The following ZFP90 variants were observed in gnomAD, a reference collection of about 807,000 sequenced individuals.
ZFP90 encodes zinc finger protein 90 homolog.
A neutral mutation model predicts 60.8 loss-of-function variants in ZFP90; 38 were observed. The observed-to-expected ratio is 0.62, with a 90% CI of 0.48 to 0.82. The LOEUF is 0.82. Among genes scored for constraint, ZFP90 ranks in the 40% least tolerant of loss-of-function variants. The pLI is 0.00. For synonymous variants in ZFP90, 287 were observed against 264.8 expected, an observed-to-expected ratio of 1.08 and a Z score of -0.82; for missense variants, 711 against 759.1, an observed-to-expected ratio of 0.94 and a Z score of 0.74.
chr16:68,558,751 T>A lies in ZFP90; in HGVS notation c.256+183T>A, dbSNP rs190526879. On this transcript the variant is annotated intron_variant, in intron 4 of 4. Coordinates refer to ENST00000563169, the MANE Select transcript of ZFP90 (RefSeq NM_001305203.2). ...GGGTGCTCATGCTCTTGCTGGATTA[T>A]TTTTCCTCTGGTGGCCTCTGATTCC... Among the ~76,000 whole-genome samples, 8 of 152,302 alleles carry A rather than the reference T, an allele frequency of 5.3e-5. No homozygotes were observed. The East Asian group carries it at 1.2e-3, about 22-fold the overall frequency.
chr16:68,564,099 A>G lies in ZFP90; in HGVS notation c.1312A>G (p.Thr438Ala), dbSNP rs767173076. ...AGATTTCAAGCACAGCACATCTCTCACTCAAGATGAAAGCACTCTTACCGA... is the reference window on the plus strand; with the variant it reads ...AGATTTCAAGCACAGCACATCTCTCGCTCAAGATGAAAGCACTCTTACCGA... ...SIDFKHSTSLTQDESTLTEVK... is the reference protein window; with the variant it reads ...SIDFKHSTSLAQDESTLTEVK... Residue 438 changes from threonine (T) to alanine (A), a missense_variant, in exon 5 of 5, where the codon ACT becomes GCT. Coordinates refer to ENST00000563169, the MANE Select transcript of ZFP90 (RefSeq NM_001305203.2). 1.9e-6 allele frequency: 3 copies of G among 1,614,146 alleles called. No homozygotes were observed. The South Asian group carries it at 3.3e-5, about 18-fold the overall frequency.
chr16:68,554,152 C>T (rs1447592040), intron 2 of ZFP90, among the ~76,000 whole-genome samples: 21 of 148,806 alleles, frequency 1.4e-4, no homozygotes, highest in Middle Eastern at 3.5e-3. Flanking sequence ...GATGGAGTCT[C>T]GCTCTGTTGC....
At chr16:68,533,519 G>A (rs2090940880) in intron 1 of ZFP90, among the ~76,000 whole-genome samples, 1 of 152,100 alleles carries the variant, frequency 6.6e-6, no homozygotes, top group African/African-American at 2.4e-5. Context: ...ACTGCATGTG[G>A]AATCATTTTC....
chr16:68,540,462 G>A (rs1244094839), intron 2 of ZFP90, among the ~76,000 whole-genome samples: 1 of 152,176 alleles, frequency 6.6e-6, no homozygotes, highest in Admixed American at 6.5e-5. Context: ...TCACCTTAAT[G>A]TGAGGCTGAT....
chr16:68,546,714 G>A (rs146596283), intron 2 of ZFP90, among the ~76,000 whole-genome samples: 21 of 152,252 alleles, frequency 1.4e-4, no homozygotes, highest in African/African-American at 4.8e-4. Context: ...GATTCATCAT[G>A]TTGGCCAGGC....
At chr16:68,544,722 C>T (rs1103286) in intron 2 of ZFP90, among the ~76,000 whole-genome samples, 116,489 of 151,990 alleles carry the variant, frequency 0.77, 44,727 homozygotes, top group East Asian at 0.82. Flanking sequence ...CAAGGATGTC[C>T]GAGCTCCCTC....
chr16:68,576,067 T>G lies in ZFP90; in HGVS notation c.*191T>G, dbSNP rs1597763952. 8.9e-6 allele frequency: 3 copies of G among 338,602 alleles called. 1 individual carries two copies. In the East Asian group the frequency reaches 1.3e-4, roughly 15 times the overall value. 21.0% of individuals were successfully genotyped at this position (338,602 alleles called of 1,614,324 possible). ...AAAAAAAAAAAAAAAAGCATTTCAT[T>G]AACAAGAGTGATCTTTGTGGCATTT... On this transcript the variant is annotated 3_prime_UTR_variant, in exon 3 of 3. Coordinates refer to the ZFP90 transcript ENST00000573113.
rs763615131 is a variant in ZFP90 at position 68,564,403 on chromosome 16, C to T, written c.1616C>T (p.Ser539Leu). Residue 539 changes from serine to leucine, a missense_variant, in exon 5 of 5, where the codon TCG (serine) becomes TTG (leucine). This residue lies in a region of ZFP90 where 295 missense variants were observed against 274.0 expected (regional missense o/e 1.08). Coordinates refer to ENST00000563169, the MANE Select transcript of ZFP90 (RefSeq NM_001305203.2). ...ECGEAFSRRS[S>L]LTQHERTHTG... ...GGAGAAGCCTTTAGTCGACGCTCAT[C>T]GCTTACTCAACATGAGAGAACCCAC... The T allele has an allele frequency of 9.3e-6, 15 of 1,613,752 alleles. No homozygotes were observed. The highest frequency in any genetic ancestry group is 4.4e-5 in the South Asian group (4 of 91,056).
chr16:68,557,227 A>G (rs973437841), intron 2 of ZFP90: 5 of 455,724 alleles, frequency 1.1e-5, no homozygotes, highest in Non-Finnish European at 2.2e-5. Context: ...GGCTCCTGTA[A>G]CAAAGGAAGT....
At chr16:68,548,572 C>T (rs1215908774) in intron 2 of ZFP90, among the ~76,000 whole-genome samples, 4 of 149,604 alleles carry the variant, frequency 2.7e-5, no homozygotes, top group Admixed American at 1.3e-4. Context: ...CTCACCGCTA[C>T]CTCCGCTTCC....
At chr16:68,568,007 G>A (rs2091547371), downstream of ZFP90, among the ~76,000 whole-genome samples, 1 of 152,098 alleles carries the variant, frequency 6.6e-6, no homozygotes, top group Non-Finnish European at 1.5e-5. Flanking sequence ...TGCAAATGGT[G>A]CTTCAGGAAA....
At chr16:68,547,699 G>A (rs1425252656) in intron 2 of ZFP90, among the ~76,000 whole-genome samples, 2 of 152,078 alleles carry the variant, frequency 1.3e-5, no homozygotes, top group African/African-American at 4.8e-5. Flanking sequence ...TGCTTTGTAT[G>A]AATGTACCAA....
intron 2 of ZFP90, among the ~76,000 whole-genome samples, chr16:68,542,433 A>G (rs961854866): frequency 3.9e-5 from 6 of 152,172 alleles, no homozygotes; most frequent in African/African-American, 1.2e-4. Context: ...TCCACTAAAA[A>G]TACAAAAATT....
chr16:68,562,700 G>A, intron 4 of ZFP90: 1 of 387,016 alleles, frequency 2.6e-6, no homozygotes, highest in Non-Finnish European at 4.7e-6. Flanking sequence ...GTTTATAAAA[G>A]GATAGGAGGC....
rs1263748519 is a variant in ZFP90, at chr16:68,566,561, C to T, written c.*1863C>T. 5 of 985,494 alleles carry T rather than the reference C, an allele frequency of 5.1e-6. No homozygotes were observed. The highest frequency in any genetic ancestry group is 6.0e-6 in the Non-Finnish European group (5 of 829,912). 61.0% of individuals were successfully genotyped at this position (985,494 alleles called of 1,614,324 possible). On this transcript the variant is annotated 3_prime_UTR_variant, in exon 5 of 5. Transcript: ENST00000563169. ...AATATGTGTAGCTCAATTAGTCTCT[C>T]CTCTGTGATGCAAAATGGAATATTC... is the stretch of plus-strand genomic sequence containing the variant.
At chr16:68,569,628 G>T (rs1187639384), downstream of ZFP90, among the ~76,000 whole-genome samples, 3 of 152,104 alleles carry the variant, frequency 2.0e-5, no homozygotes, top group African/African-American at 4.8e-5. Context: ...GAGGCCAGGT[G>T]CAGTGACTCA....
Position 68,563,207 on chromosome 16 carries a change from A to G in ZFP90, c.420A>G (p.Ser140=). ...AAAACTGGAAGAGACATCTGGGATC[A>G]GAGGCATCCACCCAGAAGAAAATAA... ...QQENWKRHLG[S]EASTQKKIIT... Residue 140 remains serine (S), a synonymous_variant, in exon 5 of 5, where the codon TCA becomes TCG. Coordinates refer to ENST00000563169, the MANE Select transcript of ZFP90 (RefSeq NM_001305203.2). 6.2e-7 allele frequency: 1 copy of G among 1,614,218 alleles called. No homozygotes were observed.
chr16:68,570,051 C>CGT (rs3053783), downstream of ZFP90, among the ~76,000 whole-genome samples: 5,234 of 150,252 alleles, frequency 0.035, 275 homozygotes, highest in African/African-American at 0.12. Context: ...TGTGTGTATA[C>CGT]GTGTGTGTGT....
chr16:68,541,348 T>G (rs563166441), intron 2 of ZFP90, among the ~76,000 whole-genome samples: 1 of 152,062 alleles, frequency 6.6e-6, no homozygotes, highest in South Asian at 2.1e-4. Context: ...TAATTTTTGT[T>G]TTTTTTTGTA....
Sources: allele counts gnomAD v4.1 joint callset (sites outside exome capture counted in the v4.1 genomes callset), GRCh38; gene constraint gnomAD v4.1.1; regional missense constraint gnomAD v4.1.1; transcripts MANE v1.5; gene names NCBI Gene and HGNC (gene_info 2026-07-23, HGNC 2026-07-21).